Variants in TBL1XR1 observed in about 807,000 individuals in gnomAD.
TBL1XR1 encodes F-box-like/WD repeat-containing protein TBL1XR1.
In TBL1XR1, 5 loss-of-function variants were observed where a neutral mutation model predicts 66.9. The observed-to-expected ratio is 0.07, with a 90% CI of 0.04 to 0.16. The LOEUF (loss-of-function observed/expected upper bound fraction) is 0.16. Ranked by LOEUF, TBL1XR1 falls within the 10% of genes least tolerant of loss-of-function variation. The pLI is 1.00. For synonymous variants in TBL1XR1, 210 were observed against 206.0 expected (o/e 1.02, Z -0.17); for missense variants, 238 against 623.2 (o/e 0.38, Z 6.58).
intron 1 of TBL1XR1, among the ~76,000 whole-genome samples, chr3:177,113,987 C>G (rs1725972862): frequency 6.6e-6 from 1 of 152,022 alleles, no homozygotes; most frequent in South Asian, 2.1e-4. Flanking sequence ...ATCCAGCAAT[C>G]CCACTACTGG....
chr3:177,101,756 G>T (rs774887077), intron 1 of TBL1XR1, among the ~76,000 whole-genome samples: 1 of 152,116 alleles, frequency 6.6e-6, no homozygotes, highest in Non-Finnish European at 1.5e-5. Flanking sequence ...ACAGAAAATG[G>T]ACTAAGACAA....
chr3:177,160,965 G>A lies in TBL1XR1; in HGVS notation c.-122+36156C>T, dbSNP rs375295330. 11 of 150,100 alleles carry A rather than the reference G, an allele frequency of 7.3e-5. No individual in the cohort carries two copies. In the East Asian group the frequency reaches 1.6e-3, roughly 21 times the overall value. 9.3% of individuals were successfully genotyped at this position (150,100 alleles called of 1,614,324 possible). ...GAGCCGAGAACACGCCACTGCACTC[G>A]AGCCTGGGTGACAGAGTGAAACTCT... On this transcript the variant is annotated intron_variant, in intron 1 of 15. Transcript: ENST00000457928.
chr3:177,049,640 G>GTTT (rs1716784104), intron 7 of TBL1XR1, among the ~76,000 whole-genome samples: 1 of 152,180 alleles, frequency 6.6e-6, no homozygotes, highest in African/African-American at 2.4e-5. Flanking sequence ...TATAGATTTA[G>GTTT]TATGTTGTTT....
chr3:177,176,560 C>T (rs1734178415), intron 1 of TBL1XR1, among the ~76,000 whole-genome samples: 1 of 151,060 alleles, frequency 6.6e-6, no homozygotes, highest in Admixed American at 6.6e-5. Flanking sequence ...CACCTGTAAT[C>T]CCAGCACTTT....
intron 2 of TBL1XR1, among the ~76,000 whole-genome samples, chr3:177,077,228 A>G (rs545887744): frequency 1.3e-5 from 2 of 152,368 alleles, no homozygotes; most frequent in African/African-American, 4.8e-5. Context: ...AAAGAACCAC[A>G]AAGAAATTTT....
At chr3:177,200,965 C>G (rs1737328197), upstream of TBL1XR1, among the ~76,000 whole-genome samples, 1 of 151,962 alleles carries the variant, frequency 6.6e-6, no homozygotes, top group Non-Finnish European at 1.5e-5. Context: ...CGAGATAGTG[C>G]CACTGCACTC....
chr3:177,049,099 C>T lies in TBL1XR1; in HGVS notation c.702+898G>A, dbSNP rs1316204920. ...ATTTTGGAAGAAAATGCTAAAAATA[C>T]CTAGCTATGATTTCTGAAAAAACAT... On this transcript the variant is annotated intron_variant, in intron 7 of 15. Coordinates refer to ENST00000457928, the MANE Select transcript of TBL1XR1 (RefSeq NM_024665.7). Among the ~76,000 whole-genome samples the T allele has an allele frequency of 3.3e-5, 5 of 151,942 alleles. No homozygotes were observed. In the East Asian group the frequency reaches 5.8e-4, roughly 18 times the overall value.
intron 2 of TBL1XR1, among the ~76,000 whole-genome samples, chr3:177,082,764 A>ATATATATATATATATATATG (rs1394350123): frequency 7.8e-6 from 1 of 128,204 alleles, no homozygotes; most frequent in Non-Finnish European, 1.7e-5. Context: ...ATATATATAT[A>ATATATATATATATATATATG]TATGAATATG....
chr3:177,072,069 G>C (rs534989723), intron 2 of TBL1XR1, among the ~76,000 whole-genome samples: 1 of 152,266 alleles, frequency 6.6e-6, no homozygotes, highest in South Asian at 2.1e-4. Context: ...TAACTGCAAA[G>C]TTAACTCTTA....
intron 2 of TBL1XR1, among the ~76,000 whole-genome samples, chr3:177,076,533 T>A (rs1463658775): frequency 6.6e-6 from 1 of 152,184 alleles, no homozygotes; most frequent in Non-Finnish European, 1.5e-5. Context: ...AACTTACGAA[T>A]TTAGGAGGAT....
chr3:177,162,930 G>C (rs977849789), intron 1 of TBL1XR1, among the ~76,000 whole-genome samples: 1 of 152,340 alleles, frequency 6.6e-6, no homozygotes, highest in South Asian at 2.1e-4. Context: ...CATGGGCAGA[G>C]ACACATTGAG....
chr3:177,061,812 G>T (rs1455515433), intron 3 of TBL1XR1, among the ~76,000 whole-genome samples: 1 of 152,128 alleles, frequency 6.6e-6, no homozygotes, highest in African/African-American at 2.4e-5. Context: ...TAAATATGAT[G>T]AATCCCCAAA....
chr3:177,034,160 G>GT (rs771958418), intron 13 of TBL1XR1, 38 bp downstream of exon 13: 1 of 1,570,582 alleles, frequency 6.4e-7, no homozygotes, highest in East Asian at 2.3e-5. Context: ...CTGATTTGTA[G>GT]AAGACTCATA....
chr3:177,036,070 G>C (rs1162757894), intron 12 of TBL1XR1, among the ~76,000 whole-genome samples: 1 of 152,166 alleles, frequency 6.6e-6, no homozygotes, highest in Non-Finnish European at 1.5e-5. Context: ...TTTATTACTA[G>C]TTTAATTTGT....
At chr3:177,066,658 T>C (rs540766889) in intron 2 of TBL1XR1, among the ~76,000 whole-genome samples, 1 of 152,154 alleles carries the variant, frequency 6.6e-6, no homozygotes, top group East Asian at 1.9e-4. Flanking sequence ...ATTAGGAAAA[T>C]ATTGCAGTAA....
chr3:177,193,291 T>C (rs1252537299), intron 1 of TBL1XR1, among the ~76,000 whole-genome samples: 1 of 152,108 alleles, frequency 6.6e-6, no homozygotes. Flanking sequence ...AAGACTTCAA[T>C]GATTTTTCTT....
At chr3:177,175,981 C>T (rs1734101175) in intron 1 of TBL1XR1, among the ~76,000 whole-genome samples, 1 of 150,610 alleles carries the variant, frequency 6.6e-6, no homozygotes, top group Non-Finnish European at 1.5e-5. Context: ...GGCGGGTGAA[C>T]CCAGGAGACA....
At chr3:177,123,378 A>G (rs1727222772) in intron 1 of TBL1XR1, among the ~76,000 whole-genome samples, 1 of 152,104 alleles carries the variant, frequency 6.6e-6, no homozygotes, top group African/African-American at 2.4e-5. Context: ...ACTGATAAGA[A>G]GCTTTCATTT....
In TBL1XR1 at chr3:177,053,923, A is replaced by G. The variant is rs773473383; in HGVS notation, c.59-5T>C. ...TAAATGCTGAATGAGAAAATCCTAA[A>G]AACAAAAGAAAAGGCATGAGAATTT... On this transcript the variant is annotated splice_polypyrimidine_tract_variant and splice_region_variant and intron_variant, in intron 3 of 15. Transcript: ENST00000457928. 1.2e-4 allele frequency: 196 copies of G among 1,597,210 alleles called. No individual in the cohort carries two copies. The highest frequency in any genetic ancestry group is 1.6e-4 in the Non-Finnish European group (191 of 1,174,290).
Sources: gnomAD v4.1 joint callset for allele counts (sites outside exome capture counted in the v4.1 genomes callset) on GRCh38, gnomAD v4.1.1 for gene constraint, MANE v1.5 for transcripts, NCBI Gene and HGNC (gene_info 2026-07-23, HGNC 2026-07-21) for gene names.